ENOX1: variants seen among roughly 807,000 people sequenced by gnomAD.
ENOX1 encodes the protein ecto-NOX disulfide-thiol exchanger 1.
A neutral mutation model predicts 82.5 loss-of-function variants in ENOX1; 42 were observed. That is an observed-to-expected ratio of 0.51 (90% CI 0.40 to 0.66). The LOEUF (loss-of-function observed/expected upper bound fraction) is 0.66, where lower values mean the gene tolerates loss of function less well. Ranked by LOEUF, ENOX1 falls within the 30% of genes least tolerant of loss-of-function variation. The pLI, the probability that ENOX1 is intolerant of heterozygous loss-of-function variation, is 0.00. For missense variants in ENOX1, 608 were observed against 811.6 expected (o/e 0.75, Z 3.05); for synonymous variants, 271 against 282.2 (o/e 0.96, Z 0.40).
chr13:43,598,039 T>C (rs2081543438), intron 2 of ENOX1, among the ~76,000 whole-genome samples: 1 of 152,074 alleles, frequency 6.6e-6, no homozygotes, highest in Admixed American at 6.6e-5. Flanking sequence ...CAAATCACCA[T>C]CTGACATACA....
At chr13:43,660,601 AAT>A (rs1047615742) in intron 2 of ENOX1, among the ~76,000 whole-genome samples, 3 of 152,210 alleles carry the variant, frequency 2.0e-5, no homozygotes, top group African/African-American at 7.2e-5. Flanking sequence ...GGGAAATAAA[AAT>A]ATGTCTCTAT....
chr13:43,414,617 C>T (rs2054332716), intron 3 of ENOX1, among the ~76,000 whole-genome samples: 1 of 152,224 alleles, frequency 6.6e-6, no homozygotes, highest in Non-Finnish European at 1.5e-5. Context: ...TCTCTCTCCA[C>T]TTCCAACCAT....
intron 11 of ENOX1, among the ~76,000 whole-genome samples, chr13:43,301,502 T>C (rs780280463): frequency 4.6e-5 from 7 of 150,586 alleles, no homozygotes; most frequent in Admixed American, 4.0e-4. Context: ...CCAAGCAGTA[T>C]ATAATATTGT....
At chr13:43,490,474 A>G (rs2076581919) in intron 2 of ENOX1, among the ~76,000 whole-genome samples, 1 of 152,176 alleles carries the variant, frequency 6.6e-6, no homozygotes, top group Non-Finnish European at 1.5e-5. Context: ...GAGAGGGGCC[A>G]GGGTAGAATA....
intron 1 of ENOX1, among the ~76,000 whole-genome samples, chr13:43,677,037 T>C (rs368962959): frequency 5.3e-5 from 8 of 152,138 alleles, no homozygotes; most frequent in African/African-American, 1.9e-4. Context: ...ACCAAGACCC[T>C]TCAACAAGGC....
intron 2 of ENOX1, among the ~76,000 whole-genome samples, chr13:43,613,048 T>A (rs897005186): frequency 4.9e-4 from 75 of 152,310 alleles, no homozygotes; most frequent in Non-Finnish European, 9.9e-4. Context: ...TTGTATACAT[T>A]TTTTTAAAAC....
At chr13:43,233,686 C>T (rs2042390373) in intron 15 of ENOX1, among the ~76,000 whole-genome samples, 1 of 152,048 alleles carries the variant, frequency 6.6e-6, no homozygotes, top group African/African-American at 2.4e-5. Flanking sequence ...GTGTGCGTTT[C>T]TTATATAACA....
intron 1 of ENOX1, among the ~76,000 whole-genome samples, chr13:43,725,661 C>T (rs2088892653): frequency 6.6e-6 from 1 of 152,074 alleles, no homozygotes; most frequent in South Asian, 2.1e-4. Flanking sequence ...CCCTGACCAG[C>T]TAGAAGCCAC....
intron 12 of ENOX1, among the ~76,000 whole-genome samples, chr13:43,294,146 G>A (rs2153504102): frequency 6.6e-6 from 1 of 152,198 alleles, no homozygotes; most frequent in South Asian, 2.1e-4. Flanking sequence ...TAAGACAGCT[G>A]GTCTTCAGAC....
intron 9 of ENOX1, among the ~76,000 whole-genome samples, 156 bp from the exon 10 acceptor site, chr13:43,326,681 G>T (rs1359652968): frequency 6.6e-6 from 1 of 152,172 alleles, no homozygotes; most frequent in African/African-American, 2.4e-5. Flanking sequence ...TTACATTTTA[G>T]CAAGGTTGGG....
At chr13:43,677,264 G>A (rs551871382) in intron 1 of ENOX1, among the ~76,000 whole-genome samples, 12 of 152,284 alleles carry the variant, frequency 7.9e-5, no homozygotes, top group East Asian at 5.8e-4. Context: ...GGAAAAGCCC[G>A]AGTCAGTCAG....
intron 14 of ENOX1, among the ~76,000 whole-genome samples, chr13:43,248,487 A>G (rs1283235623): frequency 6.6e-6 from 1 of 151,858 alleles, no homozygotes; most frequent in African/African-American, 2.4e-5. Flanking sequence ...AGGCTGAAGG[A>G]GGTAAGGAAG....
chr13:43,762,101 T>C (rs1951016277), intron 1 of ENOX1, among the ~76,000 whole-genome samples: 1 of 152,192 alleles, frequency 6.6e-6, no homozygotes, highest in Non-Finnish European at 1.5e-5. Context: ...TTGGCAAAAG[T>C]CTGAAGAATT....
rs547643278 is a variant in ENOX1 at position 43,492,883 on chromosome 13, T to C, written c.-218-8731A>G. ...AGATGTTACTGTGAAGATGTTAAAATTAACATTTAATTAGTAGACACTGAG... is the reference window on the plus strand; with the variant it reads ...AGATGTTACTGTGAAGATGTTAAAACTAACATTTAATTAGTAGACACTGAG... On this transcript the variant is annotated intron_variant, in intron 2 of 16. Coordinates refer to ENST00000690772, the MANE Select transcript of ENOX1 (RefSeq NM_001347969.2). 2.8e-3 allele frequency among the ~76,000 whole-genome samples: 434 copies of C among 152,336 alleles called. 1 individual carries two copies. The highest frequency in any genetic ancestry group is 5.1e-3 in the Non-Finnish European group (349 of 68,030).
At chr13:43,754,590 G>T (rs1321211949) in intron 1 of ENOX1, among the ~76,000 whole-genome samples, 2 of 142,772 alleles carry the variant, frequency 1.4e-5, no homozygotes, top group African/African-American at 5.2e-5. Flanking sequence ...TTAGCAGCTT[G>T]TTTTTTTTTT....
At chr13:43,369,840 C>G (rs760923288) in intron 5 of ENOX1, among the ~76,000 whole-genome samples, 3 of 152,200 alleles carry the variant, frequency 2.0e-5, no homozygotes, top group Non-Finnish European at 4.4e-5. Flanking sequence ...CCTGTTGCCA[C>G]ATTTGGAAGG....
chr13:43,501,935 A>G (rs577454002), intron 2 of ENOX1, among the ~76,000 whole-genome samples: 1 of 151,708 alleles, frequency 6.6e-6, no homozygotes, highest in African/African-American at 2.4e-5. Context: ...GAAAAACATT[A>G]GAAAATAATA....
chr13:43,688,569 G>A (rs1175429878), intron 1 of ENOX1, among the ~76,000 whole-genome samples: 2 of 152,182 alleles, frequency 1.3e-5, no homozygotes, highest in Non-Finnish European at 2.9e-5. Flanking sequence ...GAATGAGCAT[G>A]CCTGTGTCCC....
chr13:43,403,895 GAC>G (rs574675095), intron 5 of ENOX1, among the ~76,000 whole-genome samples: 28 of 152,118 alleles, frequency 1.8e-4, no homozygotes, highest in African/African-American at 6.7e-4. Flanking sequence ...AAATATTGTA[GAC>G]ACACACACAT....
Sources: allele counts gnomAD v4.1 joint callset (sites outside exome capture counted in the v4.1 genomes callset), GRCh38; gene constraint gnomAD v4.1.1; transcripts MANE v1.5; gene names NCBI Gene and HGNC (gene_info 2026-07-23, HGNC 2026-07-21).